DPY19L4: variants seen among roughly 807,000 people sequenced by gnomAD.
The protein encoded by DPY19L4 is dpy-19 like 4, also known as probable C-mannosyltransferase DPY19L4.
In DPY19L4, 97 loss-of-function variants were observed where a neutral mutation model predicts 102.8. The ratio of observed to expected loss-of-function variants is 0.94; its 90% CI spans 0.80 to 1.12. The LOEUF is 1.12. DPY19L4 is among the 50% of genes most tolerant of loss of function. DPY19L4 has a pLI of 0.00. For missense variants in DPY19L4, 815 were observed against 850.4 expected, an observed-to-expected ratio of 0.96 and a Z score of 0.52; for synonymous variants, 252 against 283.1, an observed-to-expected ratio of 0.89 and a Z score of 1.10.
At chr8:94,738,009 C>G (rs1261797011) in intron 3 of DPY19L4, among the ~76,000 whole-genome samples, 1 of 151,990 alleles carries the variant, frequency 6.6e-6, no homozygotes, top group Non-Finnish European at 1.5e-5. Flanking sequence ...GAGACTCTGT[C>G]TCTTAAAAAC....
At chr8:94,769,749 T>G (rs967064938) in intron 12 of DPY19L4, among the ~76,000 whole-genome samples, 1 of 152,108 alleles carries the variant, frequency 6.6e-6, no homozygotes, top group Non-Finnish European at 1.5e-5. Context: ...TTATCATGTT[T>G]GAAACGTGGT....
chr8:94,786,058 G>A (rs1180709181), intron 17 of DPY19L4, among the ~76,000 whole-genome samples: 1 of 152,172 alleles, frequency 6.6e-6, no homozygotes, highest in Non-Finnish European at 1.5e-5. Context: ...CAGGTATTGA[G>A]TAAATTTGTT....
At chr8:94,779,568 A>G (rs1315128632) in intron 14 of DPY19L4, among the ~76,000 whole-genome samples, 3 of 151,844 alleles carry the variant, frequency 2.0e-5, no homozygotes, top group African/African-American at 7.3e-5. Context: ...GACTCAAGCA[A>G]TCCTCCCACC....
chr8:94,784,223 C>T (rs955133206), intron 17 of DPY19L4, among the ~76,000 whole-genome samples: 1 of 150,446 alleles, frequency 6.6e-6, no homozygotes, highest in African/African-American at 2.5e-5. Flanking sequence ...CACTCACCAC[C>T]ACAGCCGGCT....
intron 6 of DPY19L4, chr8:94,744,304 A>T: frequency 2.2e-6 from 1 of 455,334 alleles, no homozygotes; most frequent in South Asian, 1.6e-5. Context: ...GCTTTTGGCC[A>T]GGGAGGCCTT....
chr8:94,733,165 G>T (rs1312211960), intron 2 of DPY19L4, among the ~76,000 whole-genome samples: 47 of 117,486 alleles, frequency 4.0e-4, no homozygotes, highest in African/African-American at 1.6e-3. Context: ...TCGCTCTGTC[G>T]CCCAGGCTGG....
chr8:94,734,965 A>G (rs1458184675), intron 3 of DPY19L4, among the ~76,000 whole-genome samples: 1 of 152,224 alleles, frequency 6.6e-6, no homozygotes, highest in Non-Finnish European at 1.5e-5. Context: ...CCTTTCTGCA[A>G]TTAACTTATC....
chr8:94,756,610 T>A (rs560235609), intron 7 of DPY19L4, among the ~76,000 whole-genome samples: 14 of 152,236 alleles, frequency 9.2e-5, no homozygotes, highest in African/African-American at 3.4e-4. Flanking sequence ...GAGGTATAGG[T>A]AGGTTGGTAA....
intron 17 of DPY19L4, among the ~76,000 whole-genome samples, chr8:94,784,957 G>T (rs1813595052): frequency 6.6e-6 from 1 of 152,164 alleles, no homozygotes; most frequent in Non-Finnish European, 1.5e-5. Flanking sequence ...ATATCTGAAA[G>T]CAATGATCAA....
At chr8:94,755,959 GT>G in intron 6 of DPY19L4, 76 bp from the exon 7 acceptor site, 1 of 1,422,450 alleles carries the variant, frequency 7.0e-7, no homozygotes. Context: ...TGAGATTTGT[GT>G]TAAAGTACTT....
intron 6 of DPY19L4, among the ~76,000 whole-genome samples, chr8:94,748,567 G>T (rs920746204): frequency 2.0e-5 from 3 of 152,262 alleles, no homozygotes; most frequent in East Asian, 1.9e-4. Flanking sequence ...TCAGAGGCCT[G>T]TTAGGAACCT....
chr8:94,783,054 T>G (rs75471810), intron 16 of DPY19L4, among the ~76,000 whole-genome samples: 7,597 of 152,252 alleles, frequency 0.05, 498 homozygotes, highest in African/African-American at 0.15. Context: ...TAGAGGTGGG[T>G]GCTTAATGTT....
intron 2 of DPY19L4, among the ~76,000 whole-genome samples, chr8:94,729,854 T>A (rs1810866840): frequency 6.6e-6 from 1 of 150,930 alleles, no homozygotes; most frequent in South Asian, 2.1e-4. Context: ...ACAAAAAAGT[T>A]AAAAAATTTG....
intron 3 of DPY19L4, among the ~76,000 whole-genome samples, chr8:94,737,387 G>A (rs1280097580): frequency 4.6e-5 from 7 of 151,934 alleles, no homozygotes; most frequent in African/African-American, 1.7e-4. Context: ...TGTTGGCCAG[G>A]CTGGTCTCAA....
chr8:94,775,849 A>C (rs1813153612), intron 13 of DPY19L4, among the ~76,000 whole-genome samples: 1 of 151,766 alleles, frequency 6.6e-6, no homozygotes, highest in Non-Finnish European at 1.5e-5. Context: ...GATATCTATT[A>C]ATTTTTCTAA....
In DPY19L4 at chr8:94,781,073, T is replaced by TTTCATTTTAGTTTTTTTCCAGATTAA; in HGVS notation, c.1633-10_1633-9insTCATTTTAGTTTTTTTCCAGATTAAT. The TTTCATTTTAGTTTTTTTCCAGATTAA allele has an allele frequency of 6.4e-7, 1 of 1,555,992 alleles. No homozygotes were observed. Among genetic ancestry groups the TTTCATTTTAGTTTTTTTCCAGATTAA allele is most frequent in the Non-Finnish European group, 8.7e-7 (1 of 1,155,752 alleles). On this transcript the variant is annotated splice_polypyrimidine_tract_variant and intron_variant, in intron 15 of 18. Transcript: ENST00000414645. ...TTTTGGGGATTTTTTTTTTTTTTTT[T>TTTCATTTTAGTTTTTTTCCAGATTAA]TGCATTTTAGTTTTTTCCCAGATTA...
chr8:94,728,104 G>A (rs1228884070), intron 2 of DPY19L4, among the ~76,000 whole-genome samples: 1 of 152,196 alleles, frequency 6.6e-6, no homozygotes, highest in East Asian at 1.9e-4. Flanking sequence ...TGGGATTATA[G>A]GCATGTGCCA....
At chr8:94,759,497 G>GTTT (rs1448900403) in intron 7 of DPY19L4, among the ~76,000 whole-genome samples, 1 of 95,928 alleles carries the variant, frequency 1.0e-5, no homozygotes, top group African/African-American at 4.4e-5. Flanking sequence ...TGGTCTACAT[G>GTTT]TTCTTTTTTT....
In DPY19L4 at chr8:94,768,467, GAC is replaced by G. The variant is rs754028446; in HGVS notation, c.1252_1253del (p.Gln418ValfsTer24). ...APSQDFFLRL[T>X]QSSLLPFYIL... is the part of the protein sequence containing the mutation. The stretch of plus-strand genomic sequence containing the variant: ...CATCTCAAGATTTTTTTCTGCGATT[GAC>G]ACAGTCTTCTTTATTACCTTTCTAC... On this transcript the variant is annotated frameshift_variant, in exon 12 of 19. Transcript: ENST00000414645. LOFTEE classifies it high-confidence loss of function. 2.5e-6 allele frequency: 4 copies of G among 1,606,264 alleles called. No homozygotes were observed. Among genetic ancestry groups the G allele is most frequent in the Non-Finnish European group, 3.4e-6 (4 of 1,175,456 alleles).
Sources: gnomAD v4.1 joint callset for allele counts (sites outside exome capture counted in the v4.1 genomes callset) on GRCh38, gnomAD v4.1.1 for gene constraint, MANE v1.5 for transcripts, NCBI Gene and HGNC (gene_info 2026-07-23, HGNC 2026-07-21) for gene names.